The following PFN2 variants were observed in gnomAD, a reference collection of about 807,000 sequenced individuals.
PFN2 encodes the protein profilin-2.
Under a neutral mutation model 15.3 loss-of-function variants are expected in PFN2, and 8 were observed. That is an observed-to-expected ratio of 0.52 (90% confidence interval 0.31 to 0.95). The LOEUF is 0.95. Ranked by LOEUF, PFN2 falls within the 40% of genes least tolerant of loss-of-function variation. The pLI, the probability that PFN2 is intolerant of heterozygous loss-of-function variation, is 0.05. For missense variants in PFN2, 111 were observed against 182.3 expected, an observed-to-expected ratio of 0.61 and a Z score of 2.25; for synonymous variants, 79 against 67.9, an observed-to-expected ratio of 1.16 and a Z score of -0.81.
At chr3:149,969,576 G>A (rs1287764669) in intron 1 of PFN2, among the ~76,000 whole-genome samples, 1 of 152,212 alleles carries the variant, frequency 6.6e-6, no homozygotes, top group African/African-American at 2.4e-5. Flanking sequence ...GAGTTCTAAA[G>A]TTAGACTTTA....
Position 149,965,058 on chromosome 3 carries a change from T to G in PFN2, c.*1431A>C. ...ATGGACAAATCAGCAACAAGATTTG[T>G]TTTTAAATCTGTACATTATCCACAA... On this transcript the variant is annotated 3_prime_UTR_variant, in exon 3 of 3. Coordinates refer to ENST00000239940, the MANE Select transcript of PFN2 (RefSeq NM_053024.4). The G allele has an allele frequency of 1.8e-6, 1 of 553,378 alleles. No individual in the cohort carries two copies. The highest frequency in any genetic ancestry group is 3.0e-5 in the South Asian group (1 of 33,500). The allele number at this position is 553,378 out of a possible 1,614,324, so 34.3% of individuals were successfully genotyped here.
In PFN2 at chr3:149,968,221, T is replaced by G. The variant is rs113055644; in HGVS notation, c.325+137A>C. On this transcript the variant is annotated intron_variant, in intron 2 of 2. Coordinates refer to ENST00000239940, the MANE Select transcript of PFN2 (RefSeq NM_053024.4). ...GAGTAGGTAAAACTAAAGCAGTGCT[T>G]CTCCATAGTGCTGGGCAGTTCACAA... 4.5e-3 allele frequency: 3,100 copies of G among 691,750 alleles called. 77 individuals carry two copies. In the African/African-American group the frequency reaches 0.05, roughly 11 times the overall value. The allele number at this position is 691,750 out of a possible 1,614,324, so 42.9% of individuals were successfully genotyped here.
At chr3:149,968,804 C>A in intron 1 of PFN2, 1 of 423,872 alleles carries the variant, frequency 2.4e-6, no homozygotes, top group East Asian at 4.0e-5. Flanking sequence ...CCAGTCTATA[C>A]AAAGAAACTG....
intron 2 of PFN2, 56 bp from the exon 3 acceptor site, chr3:149,966,642 T>C (rs962222018): frequency 3.7e-6 from 5 of 1,342,014 alleles, no homozygotes; most frequent in South Asian, 1.2e-5. Context: ...GAAAGTCACA[T>C]AAGTTTTAGC....
At position 149,965,753 on chromosome 3, in the gene PFN2, CT is replaced by C; in HGVS notation, c.*735del. 1 of 1,045,314 alleles carries C rather than the reference CT, an allele frequency of 9.6e-7. No individual in the cohort carries two copies. The highest frequency in any genetic ancestry group is 4.0e-5 in the South Asian group (1 of 24,804). The allele number at this position is 1,045,314 out of a possible 1,614,324, so 64.8% of individuals were successfully genotyped here. ...GAAGAGTGAAGGAATGATGCATGCACTTTTTCCTCCCAACCATGCGCTACAA... is the reference window on the plus strand; with the variant it reads ...GAAGAGTGAAGGAATGATGCATGCACTTTTCCTCCCAACCATGCGCTACAA... On this transcript the variant is annotated 3_prime_UTR_variant, in exon 3 of 3. Coordinates refer to ENST00000239940, the MANE Select transcript of PFN2 (RefSeq NM_053024.4).
Position 149,966,189 on chromosome 3 carries a change from T to TTA in PFN2, c.*299_*300insTA, listed in dbSNP as rs1374072323. 6.2e-7 allele frequency: 1 copy of TTA among 1,613,622 alleles called. No homozygotes were observed. The highest frequency in any genetic ancestry group is 8.5e-7 in the Non-Finnish European group (1 of 1,179,692). On this transcript the variant is annotated 3_prime_UTR_variant, in exon 3 of 3. Coordinates refer to ENST00000239940, the MANE Select transcript of PFN2 (RefSeq NM_053024.4). ...TGCTTACACATCAGACCTCCTCAGGTATAAAGCGAGTTCATATGCTTTCTT... is the reference window on the plus strand; with the variant it reads ...TGCTTACACATCAGACCTCCTCAGGTTAATAAAGCGAGTTCATATGCTTTCTT...
rs896449010 is a variant in PFN2 at position 149,965,944 on chromosome 3, T to C, written c.*545A>G. On this transcript the variant is annotated 3_prime_UTR_variant, in exon 3 of 3. Transcript: ENST00000239940. ...AACTTGGCATGCCCCCTCCCCCCAA[T>C]TTCAAGGTATCATGCAAATCATTAT... 8 of 1,325,582 alleles carry C rather than the reference T, an allele frequency of 6.0e-6. No homozygotes were observed. The highest frequency in any genetic ancestry group is 5.8e-6 in the Non-Finnish European group (6 of 1,041,464). The allele number at this position is 1,325,582 out of a possible 1,614,324, so 82.1% of individuals were successfully genotyped here.
Position 149,970,713 on chromosome 3 carries a change from A to G in PFN2, c.132+12T>C, listed in dbSNP as rs1189273779. Reference sequence around the variant, plus strand: ...TGCAGGGACCAGGGTACCGGCCGCCACTGGTCCTCACCGTAATGCTCTGAA... The same window carrying G: ...TGCAGGGACCAGGGTACCGGCCGCCGCTGGTCCTCACCGTAATGCTCTGAA... On this transcript the variant is annotated intron_variant, in intron 1 of 2. Coordinates refer to ENST00000239940, the MANE Select transcript of PFN2 (RefSeq NM_053024.4). The G allele has an allele frequency of 4.0e-6, 6 of 1,499,218 alleles. No individual in the cohort carries two copies. The highest frequency in any genetic ancestry group is 5.4e-6 in the Non-Finnish European group (6 of 1,119,282). 92.9% of individuals were successfully genotyped at this position (1,499,218 alleles called of 1,614,324 possible).
intron 2 of PFN2, among the ~76,000 whole-genome samples, chr3:149,966,874 C>A (rs568315664): frequency 6.6e-6 from 1 of 151,814 alleles, no homozygotes; most frequent in Non-Finnish European, 1.5e-5. Context: ...CATTTGTCTT[C>A]TATTTTAGGG....
intron 1 of PFN2, 138 bp downstream of exon 1, chr3:149,970,587 G>A: frequency 1.2e-6 from 1 of 856,054 alleles, no homozygotes; most frequent in East Asian, 3.7e-5. Flanking sequence ...CCGCCCGGCA[G>A]CCGCATCCTC....
rs1288812184 is a variant in PFN2, at chr3:149,965,055, T to C, written c.*1434A>G. 1 of 542,560 alleles carries C rather than the reference T, an allele frequency of 1.8e-6. No homozygotes were observed. The highest frequency in any genetic ancestry group is 1.9e-5 in the African/African-American group (1 of 52,016). 33.6% of individuals were successfully genotyped at this position (542,560 alleles called of 1,614,324 possible). ...GAAATGGACAAATCAGCAACAAGAT[T>C]TGTTTTTAAATCTGTACATTATCCA... is the stretch of plus-strand genomic sequence containing the variant. On this transcript the variant is annotated 3_prime_UTR_variant, in exon 3 of 3. Transcript: ENST00000239940.
rs954516838 is a variant in PFN2 at position 149,966,106 on chromosome 3, A to T, written c.*383T>A. On this transcript the variant is annotated 3_prime_UTR_variant, in exon 3 of 3. Transcript: ENST00000239940. ...TAGCTACCATCTACAGTTTGGTAGC[A>T]TTGTGACCATAATTAGGGTTGTTGA... is the stretch of plus-strand genomic sequence containing the variant. The T allele has an allele frequency of 4.3e-5, 68 of 1,577,040 alleles. No individual in the cohort carries two copies. In the South Asian group the frequency reaches 7.8e-4, roughly 18 times the overall value.
intron 1 of PFN2, 24 bp from the exon 2 acceptor site, chr3:149,968,574 A>G (rs778893386): frequency 1.0e-4 from 144 of 1,445,626 alleles, no homozygotes; most frequent in Non-Finnish European, 1.2e-4. Flanking sequence ...AAAAGAAAAA[A>G]AAAAAACACA....
chr3:149,969,439 C>CGA (rs1246698701), intron 1 of PFN2, among the ~76,000 whole-genome samples: 1 of 152,200 alleles, frequency 6.6e-6, no homozygotes, highest in East Asian at 1.9e-4. Context: ...CCTAGTCAGA[C>CGA]AGCGGGAACT....
At chr3:149,970,498 G>A (rs1446532129) in intron 1 of PFN2, 2 of 336,800 alleles carry the variant, frequency 5.9e-6, no homozygotes, top group Non-Finnish European at 5.2e-6. Context: ...GCCAGGGCCA[G>A]CAAGGAGTCC....
At chr3:149,968,727 C>A in intron 1 of PFN2, 177 bp from the exon 2 acceptor site, 1 of 571,978 alleles carries the variant, frequency 1.7e-6, no homozygotes, top group South Asian at 2.4e-5. Flanking sequence ...TTATTTAATC[C>A]TATATAATCA....
rs373835781 is a variant in PFN2 at position 149,968,547 on chromosome 3, T to C, written c.136A>G (p.Ile46Val). ...AGGVFQSITP[I>V]EIDMIVGKDR... ...TTTCCTACAATCATATCTATTTCTATTGGCTGCCCCCCACCAAAAAGAAAA... is the reference window on the plus strand; with the variant it reads ...TTTCCTACAATCATATCTATTTCTACTGGCTGCCCCCCACCAAAAAGAAAA... The change falls in exon 2 of 3, where the codon ATA becomes GTA. Residue 46 changes from isoleucine (I) to valine (V), a missense_variant. Ile to Val is a conservative substitution (Grantham distance 29, BLOSUM62 3). Transcript: ENST00000239940. 3.0e-5 allele frequency: 48 copies of C among 1,581,564 alleles called. No homozygotes were observed. The highest frequency in any genetic ancestry group is 3.6e-5 in the Non-Finnish European group (42 of 1,170,606).
At position 149,965,081 on chromosome 3, in the gene PFN2, C is replaced by T; in HGVS notation, c.*1408G>A. 1.6e-6 allele frequency: 1 copy of T among 633,018 alleles called. No individual in the cohort carries two copies. The highest frequency in any genetic ancestry group is 2.6e-6 in the Non-Finnish European group (1 of 384,864). 39.2% of individuals were successfully genotyped at this position (633,018 alleles called of 1,614,324 possible). On this transcript the variant is annotated 3_prime_UTR_variant, in exon 3 of 3. Transcript: ENST00000239940. The stretch of plus-strand genomic sequence containing the variant: ...TGTTTTTAAATCTGTACATTATCCA[C>T]AAGGCCCAAACAATAGAAGCAAATA...
intron 2 of PFN2, among the ~76,000 whole-genome samples, chr3:149,967,785 T>C (rs868615894): frequency 6.6e-6 from 1 of 152,202 alleles, no homozygotes; most frequent in Non-Finnish European, 1.5e-5. Flanking sequence ...ACAAACTAAA[T>C]GTAATTTCCT....
Sources: gnomAD v4.1 joint callset for allele counts (sites outside exome capture counted in the v4.1 genomes callset) on GRCh38, gnomAD v4.1.1 for gene constraint, MANE v1.5 for transcripts, NCBI Gene and HGNC (gene_info 2026-07-23, HGNC 2026-07-21) for gene names.